Variants in CLIP1 observed in about 807,000 individuals in gnomAD.
The protein encoded by CLIP1 is CAP-Gly domain containing linker protein 1, also known as CAP-Gly domain-containing linker protein 1.
CLIP1 carries 66 observed loss-of-function variants against 161.6 expected under a neutral mutation model. The ratio of observed to expected loss-of-function variants is 0.41; its 90% CI spans 0.33 to 0.50. The LOEUF is 0.50. Among genes scored for constraint, CLIP1 ranks in the 20% least tolerant of loss-of-function variants. The pLI is 0.27. For missense variants in CLIP1, 1,376 were observed against 1,702.0 expected (o/e 0.81, Z 3.37); for synonymous variants, 598 against 626.2 (o/e 0.96, Z 0.67).
intron 3 of CLIP1, chr12:122,364,857 C>A (rs1333763664): frequency 2.9e-6 from 2 of 698,598 alleles, no homozygotes; most frequent in African/African-American, 3.5e-5. Flanking sequence ...TGGAGTTGCT[C>A]CTTTGGCCAC....
intron 20 of CLIP1, among the ~76,000 whole-genome samples, chr12:122,307,476 C>A (rs1950917706): frequency 6.6e-6 from 1 of 152,126 alleles, no homozygotes; most frequent in Non-Finnish European, 1.5e-5. Flanking sequence ...TCAGTACTTA[C>A]CTTTCCCAAG....
At chr12:122,344,376 AC>A in intron 10 of CLIP1, among the ~76,000 whole-genome samples, 1 of 152,202 alleles carries the variant, frequency 6.6e-6, no homozygotes, top group East Asian at 1.9e-4. Flanking sequence ...AGAGTTTGTT[AC>A]GTCAAAATAA....
At chr12:122,315,690 G>A (rs905998187) in intron 19 of CLIP1, among the ~76,000 whole-genome samples, 6 of 148,044 alleles carry the variant, frequency 4.1e-5, no homozygotes, top group Non-Finnish European at 7.4e-5. Context: ...ACCCAGGCTG[G>A]AGTGCAGTGG....
chr12:122,413,176 A>C (rs1209991434), intron 1 of CLIP1, among the ~76,000 whole-genome samples: 1 of 152,200 alleles, frequency 6.6e-6, no homozygotes, highest in Non-Finnish European at 1.5e-5. Flanking sequence ...ATATGGGGTA[A>C]ATCAGGAAGA....
At chr12:122,303,395 G>A (rs141510656) in intron 20 of CLIP1, among the ~76,000 whole-genome samples, 6 of 151,916 alleles carry the variant, frequency 3.9e-5, no homozygotes, top group African/African-American at 9.7e-5. Context: ...CACATATACC[G>A]TGAGTTTCCC....
At chr12:122,398,424 T>TA (rs375091505) in intron 1 of CLIP1, among the ~76,000 whole-genome samples, 6,435 of 135,794 alleles carry the variant, frequency 0.047, 196 homozygotes, top group South Asian at 0.091. Context: ...GACTCCACCT[T>TA]AAAAAAAAAA....
chr12:122,353,803 G>A (rs1412103104), intron 7 of CLIP1, among the ~76,000 whole-genome samples: 1 of 151,752 alleles, frequency 6.6e-6, no homozygotes, highest in Non-Finnish European at 1.5e-5. Flanking sequence ...GCTAATTTTT[G>A]TATTTTTAGT....
chr12:122,368,483 T>G (rs1212421035), intron 3 of CLIP1, among the ~76,000 whole-genome samples: 1 of 152,170 alleles, frequency 6.6e-6, no homozygotes, highest in African/African-American at 2.4e-5. Context: ...CATCTCTTCA[T>G]TATCCAGTTC....
intron 9 of CLIP1, among the ~76,000 whole-genome samples, chr12:122,349,393 C>A (rs1249727143): frequency 6.6e-6 from 1 of 152,242 alleles, no homozygotes; most frequent in African/African-American, 2.4e-5. Flanking sequence ...TACACATTAT[C>A]TGGGACTCTA....
At chr12:122,305,821 A>G (rs1950847162) in intron 20 of CLIP1, among the ~76,000 whole-genome samples, 2 of 151,914 alleles carry the variant, frequency 1.3e-5, no homozygotes, top group African/African-American at 4.8e-5. Context: ...TAATCCCAGC[A>G]CTTTGGGAGG....
At chr12:122,344,996 A>G in intron 10 of CLIP1, among the ~76,000 whole-genome samples, 2 of 151,626 alleles carry the variant, frequency 1.3e-5, no homozygotes. Context: ...AGAGCAGGAA[A>G]AAAAACATCA....
chr12:122,419,436 C>A (rs1489164014), intron 1 of CLIP1, among the ~76,000 whole-genome samples: 1 of 151,772 alleles, frequency 6.6e-6, no homozygotes, highest in Non-Finnish European at 1.5e-5. Flanking sequence ...CCACAGAATT[C>A]TGCAAGGGTC....
intron 21 of CLIP1, chr12:122,280,082 A>AT (rs113853333): frequency 0.038 from 5,574 of 148,004 alleles, 318 homozygotes; most frequent in African/African-American, 0.12. Context: ...TGTTTTTTTT[A>AT]TTTTTTTTTT....
Position 122,334,671 on chromosome 12 carries a change from A to G in CLIP1, c.2603T>C (p.Val868Ala). Residue 868 changes from valine (V) to alanine (A), a missense_variant, in exon 13 of 26, where the codon GTC becomes GCC. Physicochemically the swap from Val to Ala is moderately conservative, Grantham distance 64. Around this residue, in one of 6 missense-constraint regions of CLIP1, gnomAD observed 948 missense variants for 1,134.8 expected, o/e 0.84. Transcript: ENST00000620786. ...ACCTTGCATACTTCTCTGAACAGAG[A>G]CTGCCTCCTCTGAAGCTTCAGCAAA... is the stretch of plus-strand genomic sequence containing the variant. ...EKFAEASEEAVSVQRSMQETV... is the reference protein window; with the variant it reads ...EKFAEASEEAASVQRSMQETV... The G allele has an allele frequency of 6.3e-7, 1 of 1,588,500 alleles. No homozygotes were observed. Among genetic ancestry groups the G allele is most frequent in the Non-Finnish European group, 8.6e-7 (1 of 1,164,750 alleles).
At chr12:122,413,583 G>C (rs1956619649) in intron 1 of CLIP1, among the ~76,000 whole-genome samples, 1 of 152,196 alleles carries the variant, frequency 6.6e-6, no homozygotes, top group Non-Finnish European at 1.5e-5. Context: ...AAGTATTTTA[G>C]AGCTTACGCT....
chr12:122,319,872 G>A (rs114265207), intron 17 of CLIP1, among the ~76,000 whole-genome samples: 3,233 of 152,234 alleles, frequency 0.021, 94 homozygotes, highest in African/African-American at 0.07. Flanking sequence ...AGTGTTTAAC[G>A]AGAAGCATTT....
At chr12:122,329,800 T>A (rs1200821776) in intron 15 of CLIP1, among the ~76,000 whole-genome samples, 4 of 151,746 alleles carry the variant, frequency 2.6e-5, no homozygotes, top group Non-Finnish European at 5.9e-5. Context: ...AAAGAGACCA[T>A]GTGGTTGAAC....
At chr12:122,419,926 CAAAAAAAAA>C (rs5801469) in intron 1 of CLIP1, among the ~76,000 whole-genome samples, 1 of 79,840 alleles carries the variant, frequency 1.3e-5, no homozygotes. Context: ...GACTCTGTCT[CAAAAAAAAA>C]AAAAAAAAAA....
chr12:122,394,461 C>G (rs1359183197), intron 1 of CLIP1, among the ~76,000 whole-genome samples: 1 of 134,206 alleles, frequency 7.5e-6, no homozygotes, highest in African/African-American at 2.9e-5. Context: ...TGCACTCCAG[C>G]CTGGGCAACA....
Sources: allele counts gnomAD v4.1 joint callset (sites outside exome capture counted in the v4.1 genomes callset), GRCh38; gene constraint gnomAD v4.1.1; regional missense constraint gnomAD v4.1.1; transcripts MANE v1.5; gene names NCBI Gene and HGNC (gene_info 2026-07-23, HGNC 2026-07-21).